The following MTCH2 variants were observed in gnomAD, a reference collection of about 807,000 sequenced individuals.
MTCH2 encodes mitochondrial carrier homolog 2.
MTCH2 carries 25 observed loss-of-function variants against 50.6 expected under a neutral mutation model. That is an observed-to-expected ratio of 0.49 (90% CI 0.36 to 0.69). The LOEUF is 0.69. Among genes scored for constraint, MTCH2 ranks in the 30% least tolerant of loss-of-function variants. The pLI is 0.00. For synonymous variants in MTCH2, 106 were observed against 132.0 expected, an observed-to-expected ratio of 0.80 and a Z score of 1.35; for missense variants, 273 against 384.4, an observed-to-expected ratio of 0.71 and a Z score of 2.42.
At chr11:47,641,831 G>A (rs2097314451) in intron 1 of MTCH2, among the ~76,000 whole-genome samples, 1 of 152,004 alleles carries the variant, frequency 6.6e-6, no homozygotes, top group African/African-American at 2.4e-5. Context: ...TTCTGAATGA[G>A]CTCCTTGTGT....
intron 12 of MTCH2, 45 bp from the exon 13 acceptor site, chr11:47,618,964 T>C (rs1239197379): frequency 2.0e-6 from 3 of 1,536,376 alleles, no homozygotes; most frequent in Non-Finnish European, 2.7e-6. Flanking sequence ...TCTAGCGAGA[T>C]GAGATCAGCC....
chr11:47,627,171 C>T, intron 9 of MTCH2, 44 bp from the exon 10 acceptor site: 1 of 1,319,364 alleles, frequency 7.6e-7, no homozygotes, highest in African/African-American at 1.5e-5. Context: ...TACAACACTA[C>T]AACACATCAA....
chr11:47,611,949 C>T, the MTCH2 span, among the ~76,000 whole-genome samples: 284 of 152,288 alleles, frequency 1.9e-3, no homozygotes, highest in Middle Eastern at 0.024. Context: ...TCATGGGACA[C>T]TGGCGACCAG....
In MTCH2 at chr11:47,638,593, G is replaced by A. The variant is rs1271733384; in HGVS notation, c.279+106C>T. 8 of 647,754 alleles carry A rather than the reference G, an allele frequency of 1.2e-5. No homozygotes were observed. The East Asian group carries it at 1.3e-4, about 11-fold the overall frequency. The allele number at this position is 647,754 out of a possible 1,614,324, so 40.1% of individuals were successfully genotyped here. ...AAAGTGTTTTTCAAGAGGAAGAAAG[G>A]ACAGGGTTATAAATGTATCTTTTAA... On this transcript the variant is annotated intron_variant, in intron 3 of 12. Transcript: ENST00000302503.
downstream of MTCH2, among the ~76,000 whole-genome samples, chr11:47,612,526 T>G (rs2097286197): frequency 6.6e-6 from 1 of 151,858 alleles, no homozygotes; most frequent in Non-Finnish European, 1.5e-5. Context: ...ATCGTGCCAC[T>G]GCACTCCAGC....
chr11:47,618,678 A>G lies in MTCH2; in HGVS notation c.*155T>C. ...CAGTGGTAAGTTATGTTGTGCTGGA[A>G]AAAAGAACAAAAAAGGCAGACACCA... is the stretch of plus-strand genomic sequence containing the variant. On this transcript the variant is annotated 3_prime_UTR_variant, in exon 13 of 13. Transcript: ENST00000302503. 1.9e-6 allele frequency: 1 copy of G among 526,888 alleles called. No individual in the cohort carries two copies. The highest frequency in any genetic ancestry group is 3.1e-6 in the Non-Finnish European group (1 of 325,642). The allele number at this position is 526,888 out of a possible 1,614,324, so 32.6% of individuals were successfully genotyped here.
chr11:47,635,577 G>GA lies in MTCH2; in HGVS notation c.280-7dup. The GA allele has an allele frequency of 4.4e-6, 7 of 1,607,866 alleles. No homozygotes were observed. Among genetic ancestry groups the GA allele is most frequent in the Non-Finnish European group, 5.9e-6 (7 of 1,176,866 alleles). ...TTGTCACTCTCCTGGTAATGCTATAGAAAAAAAGAAAAAGGATGATTAGGG... is the reference window on the plus strand; with the variant it reads ...TTGTCACTCTCCTGGTAATGCTATAGAAAAAAAAGAAAAAGGATGATTAGGG... On this transcript the variant is annotated splice_region_variant and splice_polypyrimidine_tract_variant and intron_variant, in intron 3 of 12. Transcript: ENST00000302503.
chr11:47,631,177 G>A (rs547974439), intron 6 of MTCH2, 90 bp from the exon 7 acceptor site: 2 of 1,033,516 alleles, frequency 1.9e-6, no homozygotes, highest in East Asian at 2.4e-5. Context: ...GAGAGGCCGA[G>A]GTGGGCGGAT....
intron 1 of MTCH2, among the ~76,000 whole-genome samples, chr11:47,639,521 T>C (rs1259372286): frequency 6.6e-6 from 1 of 152,216 alleles, no homozygotes; most frequent in African/African-American, 2.4e-5. Context: ...AGGAAAGAAT[T>C]ACAAGCTAAC....
chr11:47,633,342 C>A (rs1226014507), intron 5 of MTCH2, among the ~76,000 whole-genome samples: 1 of 149,438 alleles, frequency 6.7e-6, no homozygotes, highest in Non-Finnish European at 1.5e-5. Flanking sequence ...AATCTCCTGA[C>A]TTCGTGATCT....
chr11:47,636,130 G>GAAAA (rs963428316), intron 3 of MTCH2, among the ~76,000 whole-genome samples: 2 of 140,716 alleles, frequency 1.4e-5, no homozygotes, highest in African/African-American at 5.2e-5. Context: ...TCCGTCTCAA[G>GAAAA]AAAAAAAAAA....
chr11:47,616,411 A>G (rs1164308982), downstream of MTCH2, among the ~76,000 whole-genome samples: 1 of 151,844 alleles, frequency 6.6e-6, no homozygotes, highest in Non-Finnish European at 1.5e-5. Context: ...CAGTGGCACA[A>G]TCTTGGGTCA....
chr11:47,635,662 T>C (rs916824693), intron 3 of MTCH2, 91 bp from the exon 4 acceptor site: 15 of 1,282,520 alleles, frequency 1.2e-5, no homozygotes, highest in Middle Eastern at 1.9e-4. Flanking sequence ...AGAAAGTAAA[T>C]TAGCTGAAGT....
intron 1 of MTCH2, among the ~76,000 whole-genome samples, chr11:47,641,192 A>C (rs1030202352): frequency 8.5e-5 from 13 of 152,166 alleles, no homozygotes; most frequent in Non-Finnish European, 1.6e-4. Flanking sequence ...GCCCGGCCCC[A>C]AGGGTTCTTA....
intron 5 of MTCH2, among the ~76,000 whole-genome samples, chr11:47,633,971 T>C (rs1359129209): frequency 3.9e-5 from 6 of 152,066 alleles, no homozygotes; most frequent in African/African-American, 9.7e-5. Flanking sequence ...TATGGCAGCA[T>C]ATGGGGGTGG....
the MTCH2 span, among the ~76,000 whole-genome samples, chr11:47,611,172 T>C: frequency 2.6e-5 from 4 of 152,242 alleles, no homozygotes; most frequent in Non-Finnish European, 4.4e-5. Flanking sequence ...GGCCTTTGCA[T>C]CCTCTGCTGC....
At chr11:47,608,029 C>G in the MTCH2 span, among the ~76,000 whole-genome samples, 1 of 152,176 alleles carries the variant, frequency 6.6e-6, no homozygotes, top group Non-Finnish European at 1.5e-5. Context: ...ATTAGAAATT[C>G]CAGATTTGCA....
chr11:47,617,072 T>C (rs2097288870), downstream of MTCH2, among the ~76,000 whole-genome samples: 1 of 152,238 alleles, frequency 6.6e-6, no homozygotes, highest in Non-Finnish European at 1.5e-5. Context: ...TAAGATATTA[T>C]GGAGGATCAT....
chr11:47,635,503 C>A (rs770040098), intron 4 of MTCH2, 42 bp downstream of exon 4: 7 of 1,606,038 alleles, frequency 4.4e-6, no homozygotes, highest in Non-Finnish European at 6.0e-6. Flanking sequence ...TAACAACTTG[C>A]AAGGGAAAGG....
Sources: allele counts gnomAD v4.1 joint callset (sites outside exome capture counted in the v4.1 genomes callset), GRCh38; gene constraint gnomAD v4.1.1; transcripts MANE v1.5; gene names NCBI Gene and HGNC (gene_info 2026-07-23, HGNC 2026-07-21).